Variants in COL4A1 observed in about 807,000 individuals in gnomAD.
The protein encoded by COL4A1 is collagen alpha-1(IV) chain.
COL4A1 carries 40 observed loss-of-function variants against 216.6 expected under a neutral mutation model. That is an observed-to-expected ratio of 0.18 (90% CI 0.14 to 0.24). COL4A1 has a LOEUF of 0.24. COL4A1 is among the 10% of genes least tolerant of loss of function. The pLI is 1.00. For missense variants in COL4A1, 1,628 were observed against 2,196.8 expected, an observed-to-expected ratio of 0.74 and a Z score of 5.18; for synonymous variants, 839 against 810.7, an observed-to-expected ratio of 1.03 and a Z score of -0.59.
chr13:110,201,838 C>T (rs1348008378), intron 18 of COL4A1, among the ~76,000 whole-genome samples: 2 of 152,074 alleles, frequency 1.3e-5, no homozygotes, highest in Non-Finnish European at 2.9e-5. Flanking sequence ...AAAAATTAGT[C>T]GGGCGTGGTG....
chr13:110,257,025 C>A (rs1019569813), intron 1 of COL4A1, among the ~76,000 whole-genome samples: 3 of 152,174 alleles, frequency 2.0e-5, no homozygotes, highest in African/African-American at 7.2e-5. Context: ...GTTTTCATAA[C>A]TGCACTCACT....
At position 110,175,367 on chromosome 13, in the gene COL4A1, C is replaced by T; in HGVS notation, c.3059-10G>A. The T allele has an allele frequency of 6.2e-7, 1 of 1,614,104 alleles. No homozygotes were observed. The highest frequency in any genetic ancestry group is 8.5e-7 in the Non-Finnish European group (1 of 1,179,994). ...TTCTCTCCAGGTGTTCCTATAAACA[C>T]AAACAATTGAAACTTGATTTGGGCT... is the stretch of plus-strand genomic sequence containing the variant. On this transcript the variant is annotated splice_polypyrimidine_tract_variant and intron_variant, in intron 36 of 51. Coordinates refer to ENST00000375820, the MANE Select transcript of COL4A1 (RefSeq NM_001845.6).
chr13:110,191,130 A>C (rs1006553741), intron 24 of COL4A1: 1 of 152,410 alleles, frequency 6.6e-6, no homozygotes, highest in African/African-American at 2.4e-5. Context: ...TGCAACTTCT[A>C]ACTCAGCTCC....
intron 2 of COL4A1, among the ~76,000 whole-genome samples, chr13:110,233,796 A>G (rs1881176104): frequency 6.6e-6 from 1 of 152,226 alleles, no homozygotes; most frequent in South Asian, 2.1e-4. Context: ...AAAGCATCCA[A>G]AAGCTACAAA....
chr13:110,151,381 G>A (rs955336707), intron 51 of COL4A1, among the ~76,000 whole-genome samples: 5 of 151,878 alleles, frequency 3.3e-5, no homozygotes, highest in African/African-American at 1.2e-4. Context: ...AACAAAGTGC[G>A]CTCATTTTGG....
At chr13:110,222,144 A>G (rs1880512670) in intron 2 of COL4A1, among the ~76,000 whole-genome samples, 1 of 151,906 alleles carries the variant, frequency 6.6e-6, no homozygotes, top group African/African-American at 2.4e-5. Context: ...GGGCCCTGGC[A>G]CCCCTCAGCA....
intron 2 of COL4A1, among the ~76,000 whole-genome samples, chr13:110,227,550 C>G (rs903101271): frequency 6.6e-6 from 1 of 152,076 alleles, no homozygotes; most frequent in African/African-American, 2.4e-5. Context: ...CGCCCCCAGA[C>G]CTCCCACTCC....
At chr13:110,256,584 G>A (rs112972174) in intron 1 of COL4A1, among the ~76,000 whole-genome samples, 2,008 of 152,324 alleles carry the variant, frequency 0.013, 15 homozygotes, top group Admixed American at 0.027. Context: ...ATGGAAATGA[G>A]AACGTGCACA....
chr13:110,234,595 A>G (rs1375180062), intron 2 of COL4A1, among the ~76,000 whole-genome samples: 1 of 151,792 alleles, frequency 6.6e-6, no homozygotes, highest in African/African-American at 2.4e-5. Flanking sequence ...AAAGAAAAAG[A>G]AAAAAACAGG....
intron 26 of COL4A1, 79 bp downstream of exon 26, chr13:110,186,306 G>T: frequency 6.3e-7 from 1 of 1,576,438 alleles, no homozygotes; most frequent in Non-Finnish European, 8.7e-7. Context: ...CGAACCCCAG[G>T]CCTCTGTGTG....
At chr13:110,240,380 C>T (rs896319879) in intron 2 of COL4A1, among the ~76,000 whole-genome samples, 1 of 152,242 alleles carries the variant, frequency 6.6e-6, no homozygotes, top group Non-Finnish European at 1.5e-5. Context: ...GATCCTGCTC[C>T]TTCCATCCCA....
rs916322272 is a variant in COL4A1 at position 110,211,502 on chromosome 13, T to A, written c.468+145A>T. The A allele has an allele frequency of 2.9e-5, 20 of 682,074 alleles. No individual in the cohort carries two copies. The highest frequency in any genetic ancestry group is 5.9e-5 in the Admixed American group (2 of 33,796). The allele number at this position is 682,074 out of a possible 1,614,324, so 42.3% of individuals were successfully genotyped here. A position where few individuals can be genotyped will look rare whatever the true frequency, so the allele number is the denominator to read the frequency against. On this transcript the variant is annotated intron_variant, in intron 8 of 51. Transcript: ENST00000375820. This position sits in a 1 kb window ranked among gnomAD's most constrained non-coding sequence, Gnocchi z 4.3. ...CTGAGTTTGTGGGTTACTTGTACAG[T>A]CTTTTCATGTAACAGAGTTTAGGGA... is the stretch of plus-strand genomic sequence containing the variant.
intron 21 of COL4A1, among the ~76,000 whole-genome samples, chr13:110,195,895 C>T (rs1878864955): frequency 6.6e-6 from 1 of 152,198 alleles, no homozygotes; most frequent in African/African-American, 2.4e-5. Context: ...ACAGGGTCTT[C>T]ACCTAATGAC....
intron 51 of COL4A1, among the ~76,000 whole-genome samples, chr13:110,151,282 A>G (rs553903598): frequency 2.0e-5 from 3 of 152,132 alleles, no homozygotes; most frequent in South Asian, 4.1e-4. Flanking sequence ...AAAACATTTT[A>G]GTTTATTGTA....
intron 12 of COL4A1, 62 bp downstream of exon 12, chr13:110,208,787 G>T: frequency 6.8e-7 from 1 of 1,468,128 alleles, no homozygotes; most frequent in Non-Finnish European, 9.6e-7. Context: ...CCAAAGGTGG[G>T]AACTGTCAGG....
rs1057519191 is a variant in COL4A1 at position 110,209,988 on chromosome 13, C to T, written c.607G>A (p.Gly203Arg). Reference sequence around the variant, plus strand: ...CAGCCCCCAAAACTTACTGGTGGTCCGGTAAATCCTGGAGGCCCAACAGGA... The same window carrying T: ...CAGCCCCCAAAACTTACTGGTGGTCTGGTAAATCCTGGAGGCCCAACAGGA... ...QGPVGPPGFT[G>R]PPGPPGPPGP... is the part of the protein sequence containing the mutation. Residue 203 changes from glycine (G) to arginine (R), a missense_variant, in exon 10 of 52, where the codon GGA (glycine) becomes AGA (arginine). Physicochemically the swap from Gly to Arg is moderately radical, Grantham distance 125 (BLOSUM62 -2). Coordinates refer to ENST00000375820, the MANE Select transcript of COL4A1 (RefSeq NM_001845.6). 1 of 1,614,060 alleles carries T rather than the reference C, an allele frequency of 6.2e-7. No homozygotes were observed. The highest frequency in any genetic ancestry group is 1.7e-5 in the Admixed American group (1 of 60,016).
intron 42 of COL4A1, 117 bp from the exon 43 acceptor site, chr13:110,169,879 A>G: frequency 2.9e-6 from 4 of 1,356,582 alleles, no homozygotes; most frequent in Non-Finnish European, 4.0e-6. Flanking sequence ...CTGGACCAAC[A>G]GTGACAACCC....
At chr13:110,212,055 G>C in intron 6 of COL4A1, 133 bp from the exon 7 acceptor site, 3 of 945,294 alleles carry the variant, frequency 3.2e-6, no homozygotes, top group South Asian at 1.3e-5. Context: ...TTTGTCACAA[G>C]CTGTGCTACT....
At chr13:110,263,464 A>G (rs1882906114) in intron 1 of COL4A1, among the ~76,000 whole-genome samples, 1 of 152,080 alleles carries the variant, frequency 6.6e-6, no homozygotes, top group African/African-American at 2.4e-5. Context: ...ATTATTTTAA[A>G]ATTTTGGCAT....
Sources: allele counts gnomAD v4.1 joint callset (sites outside exome capture counted in the v4.1 genomes callset), GRCh38; gene constraint gnomAD v4.1.1; non-coding constraint Gnocchi (gnomAD v3.1); transcripts MANE v1.5; gene names NCBI Gene and HGNC (gene_info 2026-07-23, HGNC 2026-07-21).